Variants in GALNT2 observed in about 807,000 individuals in gnomAD.
GALNT2 encodes the protein UDP-GalNAc:polypeptide N-acetylgalactosaminyltransferase 2.
A neutral mutation model predicts 81.4 loss-of-function variants in GALNT2; 31 were observed. The observed-to-expected ratio is 0.38, with a 90% confidence interval of 0.29 to 0.51. GALNT2 has a LOEUF of 0.51. Among genes scored for constraint, GALNT2 ranks in the 20% least tolerant of loss-of-function variants. GALNT2 has a pLI of 0.87. For synonymous variants in GALNT2, 303 were observed against 287.4 expected (o/e 1.05, Z -0.55); for missense variants, 629 against 765.7 (o/e 0.82, Z 2.11).
chr1:230,217,433 C>T (rs907669294), intron 3 of GALNT2, among the ~76,000 whole-genome samples: 1 of 152,140 alleles, frequency 6.6e-6, no homozygotes, highest in Non-Finnish European at 1.5e-5. Flanking sequence ...AAGCCAGAGT[C>T]GCTAGGCAGG....
intron 2 of GALNT2, among the ~76,000 whole-genome samples, chr1:230,194,616 G>C (rs1663630045): frequency 6.6e-6 from 1 of 152,220 alleles, no homozygotes; most frequent in Non-Finnish European, 1.5e-5. Context: ...GGTTAGCCCA[G>C]CCCTTCAAAT....
chr1:230,199,282 T>C (rs1663809911), intron 2 of GALNT2, among the ~76,000 whole-genome samples: 1 of 152,164 alleles, frequency 6.6e-6, no homozygotes. Context: ...CCTGTTTGCG[T>C]GGGGTTGGGC....
intron 1 of GALNT2, among the ~76,000 whole-genome samples, chr1:230,085,964 C>T (rs1281829440): frequency 2.0e-5 from 3 of 152,278 alleles, no homozygotes; most frequent in South Asian, 4.1e-4. Flanking sequence ...AGTGGGCTCA[C>T]CGTATGTCCA....
intron 1 of GALNT2, among the ~76,000 whole-genome samples, chr1:230,114,461 G>T (rs1660787502): frequency 6.6e-6 from 1 of 152,214 alleles, no homozygotes; most frequent in South Asian, 2.1e-4. Context: ...ACACGATTAC[G>T]TCTGTATGTT....
chr1:230,087,464 C>G (rs1322397495), intron 1 of GALNT2, among the ~76,000 whole-genome samples: 1 of 152,204 alleles, frequency 6.6e-6, no homozygotes, highest in Non-Finnish European at 1.5e-5. Context: ...CTTGCCTTTA[C>G]TCCCCCATAA....
chr1:230,126,592 A>C (rs1661191103), intron 1 of GALNT2, among the ~76,000 whole-genome samples: 1 of 152,218 alleles, frequency 6.6e-6, no homozygotes, highest in Admixed American at 6.5e-5. Context: ...AGAGTGGTTC[A>C]GAAGGCCATC....
At chr1:230,096,523 C>A (rs573030811) in intron 1 of GALNT2, among the ~76,000 whole-genome samples, 2 of 152,220 alleles carry the variant, frequency 1.3e-5, no homozygotes, top group Admixed American at 1.3e-4. Flanking sequence ...TTCTGTCCCA[C>A]CAGGATTTCT....
intron 1 of GALNT2, among the ~76,000 whole-genome samples, chr1:230,127,284 G>A (rs1013753005): frequency 1.3e-5 from 2 of 151,528 alleles, no homozygotes; most frequent in African/African-American, 4.9e-5. Context: ...TGTGAGCCCC[G>A]CCTGAGCTGG....
chr1:230,230,842 G>A (rs1350818169), intron 3 of GALNT2, among the ~76,000 whole-genome samples: 1 of 152,158 alleles, frequency 6.6e-6, no homozygotes, highest in African/African-American at 2.4e-5. Flanking sequence ...ATTCATCTAG[G>A]AGTTTTTCCT....
chr1:230,118,975 T>C (rs1321651001), intron 1 of GALNT2, among the ~76,000 whole-genome samples: 1 of 152,140 alleles, frequency 6.6e-6, no homozygotes, highest in African/African-American at 2.4e-5. Flanking sequence ...AATCATCTTA[T>C]TTTACCTATA....
intron 1 of GALNT2, among the ~76,000 whole-genome samples, chr1:230,147,581 G>C (rs1004602922): frequency 6.6e-6 from 1 of 152,188 alleles, no homozygotes; most frequent in African/African-American, 2.4e-5. Flanking sequence ...TTTCTTCTCT[G>C]TTGTAAAATA....
intron 1 of GALNT2, among the ~76,000 whole-genome samples, chr1:230,128,780 GAGCATC>G (rs1661274557): frequency 6.6e-6 from 1 of 152,142 alleles, no homozygotes; most frequent in South Asian, 2.1e-4. Flanking sequence ...CTTTCTGCCA[GAGCATC>G]AGCTCAGGAC....
intron 1 of GALNT2, among the ~76,000 whole-genome samples, chr1:230,086,058 C>T (rs1450169733): frequency 6.6e-6 from 1 of 152,196 alleles, no homozygotes; most frequent in East Asian, 1.9e-4. Flanking sequence ...CCACCAGAAA[C>T]GTGCTGAGAG....
chr1:230,185,859 C>T (rs1280905625), intron 2 of GALNT2, among the ~76,000 whole-genome samples: 2 of 152,204 alleles, frequency 1.3e-5, no homozygotes, highest in Admixed American at 6.5e-5. Flanking sequence ...GGCTTGTCCA[C>T]AGTGAGCCTC....
chr1:230,183,157 G>A (rs898091663), intron 2 of GALNT2, among the ~76,000 whole-genome samples: 4 of 152,076 alleles, frequency 2.6e-5, no homozygotes, highest in Non-Finnish European at 5.9e-5. Context: ...TTTAATCTAT[G>A]TGTGTTGTTT....
intron 1 of GALNT2, among the ~76,000 whole-genome samples, chr1:230,076,922 G>T (rs990728344): frequency 4.0e-4 from 61 of 152,314 alleles, no homozygotes; most frequent in African/African-American, 1.5e-3. Context: ...CCAGTCCAGG[G>T]AGTGAACTCT....
intron 1 of GALNT2, among the ~76,000 whole-genome samples, chr1:230,167,655 A>G (rs1306526664): frequency 1.3e-5 from 2 of 152,196 alleles, no homozygotes; most frequent in African/African-American, 4.8e-5. Flanking sequence ...GGGGATATTG[A>G]CATGGAGGTC....
At chr1:230,080,740 T>C (rs1192411252) in intron 1 of GALNT2, among the ~76,000 whole-genome samples, 8 of 152,232 alleles carry the variant, frequency 5.3e-5, no homozygotes, top group Non-Finnish European at 1.5e-5. Context: ...CAGTTAGCTC[T>C]GTGGCCTCAG....
At chr1:230,220,152 C>A (rs1249401983) in intron 3 of GALNT2, among the ~76,000 whole-genome samples, 5 of 152,178 alleles carry the variant, frequency 3.3e-5, no homozygotes, top group Non-Finnish European at 7.3e-5. Context: ...TGCAGCAGAA[C>A]ATGAATATGC....
Sources: gnomAD v4.1 joint callset for allele counts (sites outside exome capture counted in the v4.1 genomes callset) on GRCh38, gnomAD v4.1.1 for gene constraint, MANE v1.5 for transcripts, NCBI Gene and HGNC (gene_info 2026-07-23, HGNC 2026-07-21) for gene names.